Variants in CFAP54 observed in about 807,000 individuals in gnomAD.
The protein encoded by CFAP54 is cilia and flagella associated protein 54, also known as cilia- and flagella-associated protein 54.
CFAP54 carries 290 observed loss-of-function variants against 370.4 expected under a neutral mutation model. That is an observed-to-expected ratio of 0.78 (90% CI 0.71 to 0.86). The LOEUF (loss-of-function observed/expected upper bound fraction) is 0.86, where lower values mean the gene tolerates loss of function less well. Among genes scored for constraint, CFAP54 ranks in the 40% least tolerant of loss-of-function variants. The pLI is 0.00. For missense variants in CFAP54, 3,399 were observed against 3,528.7 expected (o/e 0.96, Z 0.93); for synonymous variants, 1,206 against 1,236.5 (o/e 0.98, Z 0.52).
chr12:96,688,883 A>G (rs2136561553), intron 42 of CFAP54, 33 bp from the exon 43 acceptor site: 3 of 1,338,710 alleles, frequency 2.2e-6, no homozygotes, highest in East Asian at 4.7e-5. Context: ...GAAAATTTCT[A>G]CTAATCAATT....
chr12:96,857,482 T>C (rs1485033482), intron 66 of CFAP54, among the ~76,000 whole-genome samples: 2 of 152,254 alleles, frequency 1.3e-5, no homozygotes, highest in Admixed American at 6.5e-5. Context: ...TCTTCTTTTA[T>C]GGCTGCATAG....
At position 96,817,837 on chromosome 12, in the gene CFAP54, C is replaced by A; in HGVS notation, c.9020C>A (p.Ala3007Glu). ...LAQIAELSLPAAPEITSNENI... is the reference protein window; with the variant it reads ...LAQIAELSLPEAPEITSNENI... ...CAAATAGCTGAACTATCATTGCCAG[C>A]AGCTCCTGAAATTACCTCAAATGAA... The change falls in exon 65 of 68, where the codon GCA becomes GAA. Residue 3007 changes from alanine (A) to glutamate (E), a missense_variant. Ala to Glu is a moderately radical substitution (Grantham distance 107). Around this residue, in one of 3 missense-constraint regions of CFAP54, gnomAD observed 2,796 missense variants for 2,869.7 expected, o/e 0.97. Transcript: ENST00000524981. 4 of 1,516,304 alleles carry A rather than the reference C, an allele frequency of 2.6e-6. No individual in the cohort carries two copies. The African/African-American group carries it at 4.1e-5, about 16-fold the overall frequency. The allele number at this position is 1,516,304 out of a possible 1,614,324, so 93.9% of individuals were successfully genotyped here.
chr12:96,518,788 T>G (rs1272636278), intron 5 of CFAP54, 140 bp from the exon 6 acceptor site: 3 of 742,136 alleles, frequency 4.0e-6, no homozygotes, highest in Non-Finnish European at 5.9e-6. Flanking sequence ...GCTTGTTTCT[T>G]CTTGACACGT....
At chr12:96,576,546 T>C in intron 19 of CFAP54, 39 bp from the exon 20 acceptor site, 2 of 1,378,020 alleles carry the variant, frequency 1.5e-6, no homozygotes, top group South Asian at 2.8e-5. Context: ...GAGTTCAAGC[T>C]CTTGACATAT....
At chr12:96,874,886 G>C (rs1275378886) in intron 67 of CFAP54, among the ~76,000 whole-genome samples, 2 of 151,748 alleles carry the variant, frequency 1.3e-5, no homozygotes, top group Admixed American at 6.6e-5. Context: ...CAAAGTGCTG[G>C]GATTACAGGC....
At chr12:96,572,138 A>G (rs926529138) in intron 19 of CFAP54, among the ~76,000 whole-genome samples, 2 of 152,202 alleles carry the variant, frequency 1.3e-5, no homozygotes, top group Non-Finnish European at 2.9e-5. Flanking sequence ...TTATATTCCA[A>G]ACACATTGAC....
chr12:96,508,578 G>GC (rs2136355350), intron 4 of CFAP54, among the ~76,000 whole-genome samples: 1 of 147,124 alleles, frequency 6.8e-6, no homozygotes, highest in African/African-American at 2.5e-5. Flanking sequence ...GAGCCACCAT[G>GC]CCCGGCCTCT....
chr12:96,762,038 G>A (rs1035837713), intron 58 of CFAP54, among the ~76,000 whole-genome samples: 7 of 152,000 alleles, frequency 4.6e-5, no homozygotes, highest in Non-Finnish European at 1.5e-5. Context: ...GGAGATTTTT[G>A]TTGCCATCTT....
At chr12:96,490,901 T>G (rs1458866851) in intron 1 of CFAP54, among the ~76,000 whole-genome samples, 2 of 151,880 alleles carry the variant, frequency 1.3e-5, no homozygotes, top group African/African-American at 2.4e-5. Flanking sequence ...TAAATAATCT[T>G]ACAAGGAGAT....
rs573307075 is a variant in CFAP54 at position 96,848,703 on chromosome 12, G to GA, written c.9172-12107dup. 9.4e-3 allele frequency among the ~76,000 whole-genome samples: 1,414 copies of GA among 150,020 alleles called. 13 individuals carry two copies. Among genetic ancestry groups the GA allele is most frequent in the Admixed American group, 0.018 (273 of 15,154 alleles). On this transcript the variant is annotated intron_variant, in intron 66 of 67. Coordinates refer to ENST00000524981, the MANE Select transcript of CFAP54 (RefSeq NM_001306084.2). The stretch of plus-strand genomic sequence containing the variant: ...CAGAACGAGACTCCGTCTCAAGAAA[G>GA]AAAAAAAAAGATTTCTACTGTCTCA...
At chr12:96,578,163 T>C (rs1955999423) in intron 20 of CFAP54, among the ~76,000 whole-genome samples, 1 of 152,210 alleles carries the variant, frequency 6.6e-6, no homozygotes. Context: ...CTGTAATCTG[T>C]CAAGCTCTGT....
intron 22 of CFAP54, among the ~76,000 whole-genome samples, chr12:96,589,009 A>G (rs546696692): frequency 6.6e-6 from 1 of 152,314 alleles, no homozygotes; most frequent in African/African-American, 2.4e-5. Flanking sequence ...AGAATGAAGT[A>G]TTTTTCACAT....
chr12:96,800,616 T>C (rs1592769475), intron 63 of CFAP54, among the ~76,000 whole-genome samples: 1 of 152,180 alleles, frequency 6.6e-6, no homozygotes, highest in Non-Finnish European at 1.5e-5. Flanking sequence ...AAGCTGAAAT[T>C]TGTTTGATTT....
chr12:96,548,836 C>G (rs147806673), intron 15 of CFAP54, among the ~76,000 whole-genome samples: 8 of 151,724 alleles, frequency 5.3e-5, no homozygotes, highest in South Asian at 2.1e-4. Context: ...GTGTGAGATT[C>G]TTAAAAGTTC....
chr12:96,577,922 C>T (rs1248919002), intron 20 of CFAP54, among the ~76,000 whole-genome samples: 1 of 151,816 alleles, frequency 6.6e-6, no homozygotes, highest in Non-Finnish European at 1.5e-5. Context: ...ATTAGCTGGG[C>T]GTTGTGGCAG....
intron 58 of CFAP54, among the ~76,000 whole-genome samples, chr12:96,757,930 G>C (rs1204020031): frequency 6.6e-6 from 1 of 152,254 alleles, no homozygotes; most frequent in African/African-American, 2.4e-5. Flanking sequence ...TATTGATCAG[G>C]AAAATTCAAG....
At chr12:96,641,873 A>G (rs1229297933) in intron 32 of CFAP54, among the ~76,000 whole-genome samples, 2 of 151,668 alleles carry the variant, frequency 1.3e-5, no homozygotes, top group Admixed American at 6.6e-5. Flanking sequence ...GTGGGAATTG[A>G]ACAATGAGAA....
chr12:96,752,685 G>T (rs1048299071), intron 55 of CFAP54, among the ~76,000 whole-genome samples: 1 of 152,154 alleles, frequency 6.6e-6, no homozygotes, highest in Non-Finnish European at 1.5e-5. Flanking sequence ...CCCAATCTGG[G>T]CCTGCTAGCA....
In CFAP54 at chr12:96,554,591, A is replaced by G. The variant is rs143766343; in HGVS notation, c.2284-85A>G. ...TGTAATGGTTACAAATAAGATGATG[A>G]TAACTTGAGTGATAATAGTATACAG... is the stretch of plus-strand genomic sequence containing the variant. On this transcript the variant is annotated intron_variant, in intron 16 of 67. Coordinates refer to ENST00000524981, the MANE Select transcript of CFAP54 (RefSeq NM_001306084.2). 1,372 of 1,306,066 alleles carry G rather than the reference A, an allele frequency of 1.1e-3. 16 individuals carry two copies. The African/African-American group carries it at 0.018, about 17-fold the overall frequency. The allele number at this position is 1,306,066 out of a possible 1,614,324, so 80.9% of individuals were successfully genotyped here.
Sources: allele counts gnomAD v4.1 joint callset (sites outside exome capture counted in the v4.1 genomes callset), GRCh38; gene constraint gnomAD v4.1.1; regional missense constraint gnomAD v4.1.1; transcripts MANE v1.5; gene names NCBI Gene and HGNC (gene_info 2026-07-23, HGNC 2026-07-21).